The following ZNF385D variants were observed in gnomAD, a reference collection of about 807,000 sequenced individuals.
ZNF385D encodes zinc finger protein 385D, also known as zinc finger protein 659.
In ZNF385D, 15 loss-of-function variants were observed where a neutral mutation model predicts 35.8. The observed-to-expected ratio is 0.42, with a 90% confidence interval of 0.28 to 0.64. The LOEUF is 0.64. Among genes scored for constraint, ZNF385D ranks in the 30% least tolerant of loss-of-function variants. The probability of loss-of-function intolerance (pLI) is 0.23; values close to 1 mark genes in which losing one functional copy is unlikely to be tolerated. For missense variants in ZNF385D, 474 were observed against 494.6 expected (o/e 0.96, Z 0.39); for synonymous variants, 212 against 186.8 (o/e 1.13, Z -1.10).
At chr3:22,264,179 G>A (rs549922756) in intron 2 of ZNF385D, among the ~76,000 whole-genome samples, 76 of 152,066 alleles carry the variant, frequency 5.0e-4, no homozygotes, top group Admixed American at 9.2e-4. Flanking sequence ...TTTGGACTAG[G>A]TCTTGGCAGA....
chr3:21,990,250 C>T (rs1018027153), intron 3 of ZNF385D, among the ~76,000 whole-genome samples: 34 of 152,188 alleles, frequency 2.2e-4, no homozygotes, highest in African/African-American at 8.2e-4. Context: ...GGTTTATTGG[C>T]ACTGGCATAA....
intron 3 of ZNF385D, among the ~76,000 whole-genome samples, chr3:22,040,459 T>C (rs1418935263): frequency 6.6e-6 from 1 of 152,168 alleles, no homozygotes; most frequent in African/African-American, 2.4e-5. Context: ...GCAATGTGAC[T>C]CCAAAGGCTA....
chr3:21,697,615 T>C (rs892850627), intron 1 of ZNF385D, among the ~76,000 whole-genome samples: 1 of 152,078 alleles, frequency 6.6e-6, no homozygotes, highest in East Asian at 1.9e-4. Context: ...TGGGACTTAA[T>C]TAAACTAAAA....
At chr3:21,684,400 CTCTCCTCTCTCTCTCT>C (rs2067029239) in intron 1 of ZNF385D, among the ~76,000 whole-genome samples, 2 of 81,744 alleles carry the variant, frequency 2.4e-5, no homozygotes, top group Non-Finnish European at 4.2e-5. Flanking sequence ...CTCTCTCTCT[CTCTCCTCTCTCTCTCT>C]CTCTCTCTCT....
In ZNF385D at chr3:21,419,881, C is replaced by T. The variant is rs1327275379; in HGVS notation, c.*1333G>A. 6.6e-6 allele frequency: 1 copy of T among 151,912 alleles called. No homozygotes were observed. Among genetic ancestry groups the T allele is most frequent in the Non-Finnish European group, 1.5e-5 (1 of 67,974 alleles). 9.4% of individuals were successfully genotyped at this position (151,912 alleles called of 1,614,324 possible). The stretch of plus-strand genomic sequence containing the variant: ...AATATACATATATTTATATATACCC[C>T]TGATAAATCTTGTTTTAAAGGTAAA... On this transcript the variant is annotated 3_prime_UTR_variant, in exon 8 of 8. Coordinates refer to ENST00000281523, the MANE Select transcript of ZNF385D (RefSeq NM_024697.3).
chr3:22,294,805 A>G lies in ZNF385D; in HGVS notation c.106+77645T>C, dbSNP rs890557795. 5.3e-5 allele frequency among the ~76,000 whole-genome samples: 8 copies of G among 152,284 alleles called. No homozygotes were observed. In the East Asian group the frequency reaches 5.8e-4, roughly 11 times the overall value. ...TGTCAATGCTTAGTGGAAATTCAATATATTTTGCATTTTATAACAAAGTTA... is the reference window on the plus strand; with the variant it reads ...TGTCAATGCTTAGTGGAAATTCAATGTATTTTGCATTTTATAACAAAGTTA... On this transcript the variant is annotated intron_variant, in intron 2 of 5. Transcript: ENST00000494108.
intron 3 of ZNF385D, among the ~76,000 whole-genome samples, chr3:22,080,544 C>T: frequency 6.6e-6 from 1 of 151,850 alleles, no homozygotes; most frequent in Non-Finnish European, 1.5e-5. Context: ...ACTTTATAAA[C>T]TCTTATACAT....
chr3:22,287,242 CT>C (rs1188038228), intron 2 of ZNF385D, among the ~76,000 whole-genome samples: 3 of 151,898 alleles, frequency 2.0e-5, no homozygotes, highest in Non-Finnish European at 1.5e-5. Context: ...CACCCATTAA[CT>C]TTTAGTTTAT....
At chr3:21,636,413 T>TATATAG (rs771464149) in intron 2 of ZNF385D, among the ~76,000 whole-genome samples, 2 of 25,638 alleles carry the variant, frequency 7.8e-5, no homozygotes, top group Non-Finnish European at 1.8e-4. Context: ...TATATATATA[T>TATATAG]AGAGTTTCTT....
At chr3:22,000,739 T>A (rs1317147106) in intron 3 of ZNF385D, among the ~76,000 whole-genome samples, 1 of 144,502 alleles carries the variant, frequency 6.9e-6, no homozygotes, top group African/African-American at 2.6e-5. Context: ...GAGAATGGGA[T>A]AATAAATTCA....
intron 4 of ZNF385D, among the ~76,000 whole-genome samples, chr3:21,488,404 A>G (rs1007574079): frequency 1.3e-5 from 2 of 151,908 alleles, no homozygotes; most frequent in Admixed American, 6.6e-5. Flanking sequence ...ACCATACACC[A>G]CAGAGATTCT....
chr3:21,797,931 T>C (rs533304844), intron 3 of ZNF385D, among the ~76,000 whole-genome samples: 7 of 152,302 alleles, frequency 4.6e-5, no homozygotes, highest in African/African-American at 9.6e-5. Context: ...CATGGAAATA[T>C]ACCATTATAC....
chr3:21,926,084 T>G (rs1270813832), intron 3 of ZNF385D, among the ~76,000 whole-genome samples: 1 of 152,212 alleles, frequency 6.6e-6, no homozygotes, highest in Non-Finnish European at 1.5e-5. Context: ...TTAATTGAAC[T>G]AAACATGCAA....
At chr3:21,783,569 T>C (rs748631107) in intron 3 of ZNF385D, among the ~76,000 whole-genome samples, 17 of 152,148 alleles carry the variant, frequency 1.1e-4, no homozygotes, top group Admixed American at 3.9e-4. Context: ...TCTAACAGCA[T>C]TGTTTAATGT....
At position 21,724,148 on chromosome 3, in the gene ZNF385D, G is replaced by A. The variant is rs188846785; in HGVS notation, c.22+26747C>T. On this transcript the variant is annotated intron_variant, in intron 1 of 7. Coordinates refer to ENST00000281523, the MANE Select transcript of ZNF385D (RefSeq NM_024697.3). ...GCCTGCCTTAAAAGAGCTCCTGAAG[G>A]AAGCACTACACATAGAAAGGAGCAT... Among the ~76,000 whole-genome samples, 93 of 152,082 alleles carry A rather than the reference G, an allele frequency of 6.1e-4. 1 individual carries two copies. Among genetic ancestry groups the A allele is most frequent in the African/African-American group, 1.7e-3 (72 of 41,474 alleles).
chr3:21,701,269 A>G (rs551047768), intron 1 of ZNF385D, among the ~76,000 whole-genome samples: 1 of 149,906 alleles, frequency 6.7e-6, no homozygotes, highest in Non-Finnish European at 1.5e-5. Context: ...GCAGGAGGCA[A>G]AAGGCACTTC....
At chr3:22,042,494 C>A (rs7611229) in intron 3 of ZNF385D, among the ~76,000 whole-genome samples, 2,393 of 152,126 alleles carry the variant, frequency 0.016, 67 homozygotes, top group African/African-American at 0.055. Context: ...CTTAAGGTAT[C>A]GTTCTGCAGT....
At chr3:22,083,677 A>G (rs1421725119) in intron 3 of ZNF385D, among the ~76,000 whole-genome samples, 2 of 152,236 alleles carry the variant, frequency 1.3e-5, no homozygotes, top group Admixed American at 6.5e-5. Flanking sequence ...TATCCAAGAG[A>G]AATTCCCCAA....
Position 21,510,956 on chromosome 3 carries a change from T to C in ZNF385D, c.344A>G (p.Lys115Arg). ...AKKLKALEAM[K>R]NKQKSVTAKD... is the part of the protein sequence containing the mutation. ...GGCAGTTACAGATTTCTGCTTATTTTTCATGGCTTCCAGTGCTTTGAGCTT... is the reference window on the plus strand; with the variant it reads ...GGCAGTTACAGATTTCTGCTTATTTCTCATGGCTTCCAGTGCTTTGAGCTT... Residue 115 changes from lysine (K) to arginine (R), a missense_variant, in exon 4 of 8, where the codon AAA (lysine) becomes AGA (arginine). Coordinates refer to ENST00000281523, the MANE Select transcript of ZNF385D (RefSeq NM_024697.3). The C allele has an allele frequency of 6.2e-7, 1 of 1,614,158 alleles. No homozygotes were observed. Among genetic ancestry groups the C allele is most frequent in the Non-Finnish European group, 8.5e-7 (1 of 1,180,010 alleles).
Sources: allele counts gnomAD v4.1 joint callset (sites outside exome capture counted in the v4.1 genomes callset), GRCh38; gene constraint gnomAD v4.1.1; transcripts MANE v1.5; gene names NCBI Gene and HGNC (gene_info 2026-07-23, HGNC 2026-07-21).